Variants in STK25 observed in about 807,000 individuals in gnomAD.
STK25 encodes serine/threonine kinase 25, also known as serine/threonine-protein kinase 25.
A neutral mutation model predicts 53.8 loss-of-function variants in STK25; 29 were observed. That is an observed-to-expected ratio of 0.54 (90% confidence interval 0.40 to 0.74). STK25 has a LOEUF of 0.74. Ranked by LOEUF, STK25 falls within the 30% of genes least tolerant of loss-of-function variation. The probability of loss-of-function intolerance (pLI) is 0.00; values close to 1 mark genes in which losing one functional copy is unlikely to be tolerated. For synonymous variants in STK25, 247 were observed against 238.3 expected (o/e 1.04, Z -0.33); for missense variants, 420 against 568.0 (o/e 0.74, Z 2.65).
Position 241,508,110 on chromosome 2 carries a change from T to C in STK25, c.-75A>G, listed in dbSNP as rs1431752499. 2.6e-6 allele frequency: 4 copies of C among 1,541,890 alleles called. No individual in the cohort carries two copies. Among genetic ancestry groups the C allele is most frequent in the Admixed American group, 2.0e-5 (1 of 49,782 alleles). On this transcript the variant is annotated 5_prime_UTR_variant, in exon 2 of 12. Coordinates refer to ENST00000316586, the MANE Select transcript of STK25 (RefSeq NM_001271977.2). ...TCCCGCGGAGAGGCGCGGAGCCGGC[T>C]AGCTCGCCCCTGCGGCGTCAGTCCA... is the stretch of plus-strand genomic sequence containing the variant.
chr2:241,497,747 C>T, intron 9 of STK25, 60 bp from the exon 10 acceptor site: 1 of 1,482,398 alleles, frequency 6.7e-7, no homozygotes, highest in Non-Finnish European at 9.4e-7. Context: ...CAGGGCACTC[C>T]CATCCCTGCC....
chr2:241,503,368 C>G (rs902740733), intron 2 of STK25, among the ~76,000 whole-genome samples: 6 of 151,824 alleles, frequency 4.0e-5, no homozygotes, highest in African/African-American at 1.5e-4. Flanking sequence ...CACGGCCCCT[C>G]CCCTAACAAC....
Position 241,496,410 on chromosome 2 carries a change from T to C in STK25, c.1229A>G (p.Glu410Gly). Residue 410 changes from glutamate to glycine, a missense_variant, in exon 11 of 12, where the codon GAG (glutamate) becomes GGG (glycine). Glu to Gly is a moderately conservative substitution (Grantham distance 98, BLOSUM62 -2). Coordinates refer to ENST00000316586, the MANE Select transcript of STK25 (RefSeq NM_001271977.2). The surrounding 1 kb of genome is among the most constrained non-coding windows in gnomAD (Gnocchi z 5.8). Reference protein sequence around the residue: ...ISDKLMVHLVERVQRFSHNRN... With the variant: ...ISDKLMVHLVGRVQRFSHNRN... The stretch of plus-strand genomic sequence containing the variant: ...CGGCCGCCCTCACCTCTGCACTCGC[T>C]CCACCAGGTGCACCATCAGCTTGTC... 1 of 1,613,318 alleles carries C rather than the reference T, an allele frequency of 6.2e-7. No individual in the cohort carries two copies. The highest frequency in any genetic ancestry group is 8.5e-7 in the Non-Finnish European group (1 of 1,179,842).
At chr2:241,500,076 TG>T in intron 5 of STK25, 96 bp downstream of exon 5, 1 of 1,015,110 alleles carries the variant, frequency 9.9e-7, no homozygotes, top group Non-Finnish European at 1.6e-6. Flanking sequence ...CTCCAGACCC[TG>T]GGCACCACTA....
chr2:241,503,030 G>A (rs2065604159), intron 2 of STK25, among the ~76,000 whole-genome samples: 1 of 152,148 alleles, frequency 6.6e-6, no homozygotes, highest in African/African-American at 2.4e-5. Flanking sequence ...AGAGTCCAGG[G>A]GAAGCCAGCA....
chr2:241,493,274 T>C lies in STK25; in HGVS notation c.*2388A>G. 1 of 1,611,852 alleles carries C rather than the reference T, an allele frequency of 6.2e-7. No individual in the cohort carries two copies. Among genetic ancestry groups the C allele is most frequent in the Non-Finnish European group, 8.5e-7 (1 of 1,178,810 alleles). ...GGCAACCCAGCCCCTGGAACCCGTG[T>C]CCCTATGCTGTCTTGCAGGATGACT... On this transcript the variant is annotated 3_prime_UTR_variant, in exon 12 of 12. Transcript: ENST00000316586.
intron 2 of STK25, among the ~76,000 whole-genome samples, chr2:241,504,923 C>CTT (rs68072887): frequency 0.21 from 30,469 of 145,212 alleles, 3,347 homozygotes; most frequent in Middle Eastern, 0.26. Flanking sequence ...TCTTCTTTTT[C>CTT]TTTTTTTTTT....
chr2:241,500,168 A>G lies in STK25; in HGVS notation c.427+5T>C. 1 of 1,611,602 alleles carries G rather than the reference A, an allele frequency of 6.2e-7. No individual in the cohort carries two copies. Among genetic ancestry groups the G allele is most frequent in the Non-Finnish European group, 8.5e-7 (1 of 1,177,984 alleles). On this transcript the variant is annotated splice_donor_5th_base_variant and intron_variant, in intron 5 of 11. Coordinates refer to ENST00000316586, the MANE Select transcript of STK25 (RefSeq NM_001271977.2). ...TACAAGAGCCACATCCACCCCCAGC[A>G]GGACCTTTGATGTCTCGGTGGATCT...
At position 241,496,678 on chromosome 2, in the gene STK25, A is replaced by G. The variant is rs2065182265; in HGVS notation, c.1105-144T>C. ...CCGGGAGCCCTTCAGCAAGCCGGGA[A>G]GTGAGGTGGCCCAAGGAAGCCTCTG... is the stretch of plus-strand genomic sequence containing the variant. On this transcript the variant is annotated intron_variant, in intron 10 of 11. Transcript: ENST00000316586. This position sits in a 1 kb window ranked among gnomAD's most constrained non-coding sequence, Gnocchi z 5.8. The G allele has an allele frequency of 1.1e-6, 1 of 913,494 alleles. No homozygotes were observed. Among genetic ancestry groups the G allele is most frequent in the East Asian group, 2.7e-5 (1 of 37,128 alleles). The allele number at this position is 913,494 out of a possible 1,614,324, so 56.6% of individuals were successfully genotyped here. A position where few individuals can be genotyped will look rare whatever the true frequency, so the allele number is the denominator to read the frequency against.
chr2:241,493,517 T>C lies in STK25; in HGVS notation c.*2145A>G, dbSNP rs2065008054. On this transcript the variant is annotated 3_prime_UTR_variant, in exon 12 of 12. Transcript: ENST00000316586. ...GCTCAGCTCCCATTTCTACTCATGG[T>C]GGTGGAGGCAAGTTTTCTGGGCCCT... is the stretch of plus-strand genomic sequence containing the variant. 1 of 1,469,120 alleles carries C rather than the reference T, an allele frequency of 6.8e-7. No individual in the cohort carries two copies. Among genetic ancestry groups the C allele is most frequent in the Admixed American group, 1.7e-5 (1 of 58,448 alleles). The allele number at this position is 1,469,120 out of a possible 1,614,324, so 91.0% of individuals were successfully genotyped here.
intron 2 of STK25, among the ~76,000 whole-genome samples, chr2:241,505,702 C>A (rs2065781468): frequency 6.6e-6 from 1 of 152,202 alleles, no homozygotes; most frequent in Non-Finnish European, 1.5e-5. Context: ...AAGCCAGAGC[C>A]AGGGCTCATC....
At chr2:241,508,947 G>A (rs948701738), upstream of STK25, among the ~76,000 whole-genome samples, 3 of 152,086 alleles carry the variant, frequency 2.0e-5, no homozygotes, top group East Asian at 5.8e-4. Context: ...TCTCCCTTGG[G>A]CTCTGCCCTG....
At chr2:241,499,804 G>T (rs2065395456) in intron 5 of STK25, 1 of 457,532 alleles carries the variant, frequency 2.2e-6, no homozygotes, top group African/African-American at 2.0e-5. Context: ...GTTGCCAGTG[G>T]CAAGTCCCTC....
chr2:241,501,622 A>G lies in STK25; in HGVS notation c.117T>C (p.Asp39=). 6.2e-7 allele frequency: 1 copy of G among 1,614,078 alleles called. No homozygotes were observed. The highest frequency in any genetic ancestry group is 2.2e-5 in the East Asian group (1 of 44,862). ...TGGCCACCACCTCCTTTGTGTGGTTATCGATGCCCTTGTAGACCTCCCCAA... is the reference window on the plus strand; with the variant it reads ...TGGCCACCACCTCCTTTGTGTGGTTGTCGATGCCCTTGTAGACCTCCCCAA... ...GSFGEVYKGI[D]NHTKEVVAIK... is the part of the protein sequence containing the mutation. The change falls in exon 3 of 12, where the codon GAT becomes GAC. Residue 39 remains aspartate (D), a synonymous_variant. Coordinates refer to ENST00000316586, the MANE Select transcript of STK25 (RefSeq NM_001271977.2). The surrounding 1 kb of genome is among the most constrained non-coding windows in gnomAD (Gnocchi z 5.3).
At chr2:241,505,281 C>T (rs1039689791) in intron 2 of STK25, among the ~76,000 whole-genome samples, 1 of 152,084 alleles carries the variant, frequency 6.6e-6, no homozygotes, top group African/African-American at 2.4e-5. Context: ...TGGGACGCTG[C>T]TCCACCGAGC....
chr2:241,499,432 G>A lies in STK25; in HGVS notation c.428-18C>T. 2 of 1,610,786 alleles carry A rather than the reference G, an allele frequency of 1.2e-6. No homozygotes were observed. The highest frequency in any genetic ancestry group is 1.7e-6 in the Non-Finnish European group (2 of 1,178,292). On this transcript the variant is annotated intron_variant, in intron 5 of 11. Coordinates refer to ENST00000316586, the MANE Select transcript of STK25 (RefSeq NM_001271977.2). ...GTTGGCAGCTGCTTGACACAGGACA[G>A]GCAGGCGTCATCCCAGGCTCCACGT...
At position 241,499,352 on chromosome 2, in the gene STK25, G is replaced by A; in HGVS notation, c.490C>T (p.Gln164Ter). The A allele has an allele frequency of 6.2e-7, 1 of 1,613,920 alleles. No individual in the cohort carries two copies. Among genetic ancestry groups the A allele is most frequent in the Non-Finnish European group, 8.5e-7 (1 of 1,179,956 alleles). Residue 164 changes from glutamine to a stop codon, truncating the protein, a stop_gained, in exon 6 of 12, where the codon CAG becomes TAG. Coordinates refer to ENST00000316586, the MANE Select transcript of STK25 (RefSeq NM_001271977.2). LOFTEE classifies it high-confidence loss of function. ...CTCTTAATCTGCGTGTCTGTGAGCTGCCCTGCTACCCCAAAGTCCGCCAGC... is the reference window on the plus strand; with the variant it reads ...CTCTTAATCTGCGTGTCTGTGAGCTACCCTGCTACCCCAAAGTCCGCCAGC... The part of the protein sequence containing the change: ...VKLADFGVAG[Q>*]LTDTQIKRNT...
intron 5 of STK25, 90 bp downstream of exon 5, chr2:241,500,083 C>T (rs1483144186): frequency 9.1e-7 from 1 of 1,098,872 alleles, no homozygotes; most frequent in Admixed American, 1.8e-5. Context: ...CCCTGGGCAC[C>T]ACTAGCCACT....
At chr2:241,500,901 C>T (rs981084619) in intron 3 of STK25, 105 bp from the exon 4 acceptor site, 30 of 1,099,972 alleles carry the variant, frequency 2.7e-5, no homozygotes, top group Non-Finnish European at 4.0e-5. Flanking sequence ...CCCCACCGGT[C>T]CCATCCCTGC....
Sources: allele counts gnomAD v4.1 joint callset (sites outside exome capture counted in the v4.1 genomes callset), GRCh38; gene constraint gnomAD v4.1.1; non-coding constraint Gnocchi (gnomAD v3.1); transcripts MANE v1.5; gene names NCBI Gene and HGNC (gene_info 2026-07-23, HGNC 2026-07-21).